The following TMEM132D variants were observed in gnomAD, a reference collection of about 807,000 sequenced individuals.
TMEM132D encodes mature OL transmembrane protein.
In TMEM132D, 21 loss-of-function variants were observed where a neutral mutation model predicts 62.3. The observed-to-expected ratio is 0.34, with a 90% confidence interval of 0.24 to 0.49. The LOEUF (loss-of-function observed/expected upper bound fraction) is 0.49. Among genes scored for constraint, TMEM132D ranks in the 20% least tolerant of loss-of-function variants. The pLI is 0.99. For synonymous variants in TMEM132D, 621 were observed against 575.6 expected (o/e 1.08, Z -1.13); for missense variants, 1,346 against 1,402.8 (o/e 0.96, Z 0.65).
At chr12:129,217,961 C>T (rs1015274724) in intron 4 of TMEM132D, among the ~76,000 whole-genome samples, 10 of 152,152 alleles carry the variant, frequency 6.6e-5, no homozygotes, top group Middle Eastern at 3.2e-3. Flanking sequence ...CACAATAACG[C>T]TCTCCCCTGG....
At chr12:129,102,566 G>A (rs1010108362) in intron 5 of TMEM132D, among the ~76,000 whole-genome samples, 3 of 152,000 alleles carry the variant, frequency 2.0e-5, no homozygotes, top group Non-Finnish European at 4.4e-5. Flanking sequence ...CACATGTATG[G>A]ATAAAAATAT....
chr12:129,463,070 CA>C (rs1474903951), intron 3 of TMEM132D, among the ~76,000 whole-genome samples: 1 of 152,150 alleles, frequency 6.6e-6, no homozygotes, highest in Admixed American at 6.5e-5. Flanking sequence ...TGAATCTAGA[CA>C]GCATCACTTG....
intron 2 of TMEM132D, among the ~76,000 whole-genome samples, chr12:129,688,846 A>T (rs931113663): frequency 6.6e-6 from 1 of 152,212 alleles, no homozygotes; most frequent in African/African-American, 2.4e-5. Flanking sequence ...TGTCACCTTA[A>T]ATCCAAATGC....
chr12:129,832,115 C>T (rs1449014326), intron 1 of TMEM132D, among the ~76,000 whole-genome samples: 11 of 143,606 alleles, frequency 7.7e-5, no homozygotes, highest in South Asian at 2.3e-4. Context: ...TCTCAATCTC[C>T]GGACCTCGTG....
chr12:129,533,379 A>T (rs1414435710), intron 2 of TMEM132D, among the ~76,000 whole-genome samples: 2 of 152,266 alleles, frequency 1.3e-5, no homozygotes, highest in African/African-American at 4.8e-5. Context: ...GGTAGCGAAC[A>T]AAAGTACAAT....
chr12:129,232,892 T>C (rs1359053467), intron 4 of TMEM132D, among the ~76,000 whole-genome samples: 2 of 151,842 alleles, frequency 1.3e-5, no homozygotes, highest in African/African-American at 4.8e-5. Context: ...TCAGATCTCA[T>C]GAGAACTCCC....
At position 129,394,077 on chromosome 12, in the gene TMEM132D, C is replaced by G. The variant is rs552846962; in HGVS notation, c.1116-56260G>C. ...AGGCAAAATTAGAAACGGAATTAAA[C>G]AGCTTCATTCTCAAAGTGGTTTTGT... On this transcript the variant is annotated intron_variant, in intron 3 of 8. Coordinates refer to ENST00000422113, the MANE Select transcript of TMEM132D (RefSeq NM_133448.3). Among the ~76,000 whole-genome samples the G allele has an allele frequency of 4.6e-5, 7 of 152,284 alleles. No homozygotes were observed. The South Asian group carries it at 1.5e-3, about 32-fold the overall frequency.
chr12:129,702,597 T>C lies in TMEM132D; in HGVS notation c.80-1899A>G, dbSNP rs1881408564. ...GATCCTTTCCTTGACTGTATGATTC[T>C]GGGTTATGGTCTCCATCTGGGTTTT... On this transcript the variant is annotated intron_variant, in intron 1 of 8. Transcript: ENST00000422113. Among the ~76,000 whole-genome samples, 4 of 152,338 alleles carry C rather than the reference T, an allele frequency of 2.6e-5. No homozygotes were observed. The South Asian group carries it at 8.3e-4, about 32-fold the overall frequency.
intron 4 of TMEM132D, among the ~76,000 whole-genome samples, chr12:129,290,366 G>A (rs543041368): frequency 1.1e-4 from 17 of 151,878 alleles, no homozygotes; most frequent in South Asian, 2.1e-4. Flanking sequence ...GTGCTAAGAC[G>A]CTGAGACTTC....
At chr12:129,329,803 T>C (rs1281913920) in intron 4 of TMEM132D, among the ~76,000 whole-genome samples, 3 of 152,126 alleles carry the variant, frequency 2.0e-5, no homozygotes, top group African/African-American at 4.8e-5. Flanking sequence ...ACTGGAAGGA[T>C]GTAACACAAA....
rs572994718 is a variant in TMEM132D at position 129,451,068 on chromosome 12, C to A, written c.1115+79991G>T. On this transcript the variant is annotated intron_variant, in intron 3 of 8. Transcript: ENST00000422113. ...TGAGCCACCGCGCCCGGCCAATTTT[C>A]ATCACTTCTTATGAGGCCTCCTTGG... 5.9e-5 allele frequency among the ~76,000 whole-genome samples: 9 copies of A among 152,232 alleles called. No homozygotes were observed. In the South Asian group the frequency reaches 1.7e-3, roughly 28 times the overall value.
chr12:129,162,292 G>T (rs145690875), intron 5 of TMEM132D, among the ~76,000 whole-genome samples: 1 of 152,282 alleles, frequency 6.6e-6, no homozygotes, highest in East Asian at 1.9e-4. Context: ...GAAGGCAGCC[G>T]TGCACAAGCC....
At position 129,498,259 on chromosome 12, in the gene TMEM132D, T is replaced by C. The variant is rs568251916; in HGVS notation, c.1115+32800A>G. On this transcript the variant is annotated intron_variant, in intron 3 of 8. Coordinates refer to ENST00000422113, the MANE Select transcript of TMEM132D (RefSeq NM_133448.3). ...GTATCTGTCCAAAATCTTTTATTTG[T>C]TTGTTTGTTTTTGAGATGGAGTCTC... Among the ~76,000 whole-genome samples, 459 of 152,070 alleles carry C rather than the reference T, an allele frequency of 3.0e-3. 1 individual carries two copies. The highest frequency in any genetic ancestry group is 0.017 in the Middle Eastern group (5 of 292).
At chr12:129,307,584 T>A (rs557532050) in intron 4 of TMEM132D, among the ~76,000 whole-genome samples, 4 of 152,314 alleles carry the variant, frequency 2.6e-5, no homozygotes, top group African/African-American at 9.6e-5. Flanking sequence ...ACACAGGTCC[T>A]CCATACAGCT....
intron 4 of TMEM132D, among the ~76,000 whole-genome samples, chr12:129,284,895 G>C (rs1881247911): frequency 6.6e-6 from 1 of 152,186 alleles, no homozygotes; most frequent in Non-Finnish European, 1.5e-5. Flanking sequence ...AAGGCAGATT[G>C]GTGGTGCCAG....
chr12:129,684,543 C>T (rs1178823492), intron 2 of TMEM132D, among the ~76,000 whole-genome samples: 1 of 142,290 alleles, frequency 7.0e-6, no homozygotes, highest in African/African-American at 2.7e-5. Flanking sequence ...TAAACTGGCA[C>T]CACAGAGAGT....
chr12:129,594,155 C>T (rs543224667), intron 2 of TMEM132D, among the ~76,000 whole-genome samples: 20 of 152,316 alleles, frequency 1.3e-4, no homozygotes, highest in South Asian at 1.2e-3. Context: ...GCCACAACCA[C>T]GGGGCGCTTC....
At chr12:129,386,628 C>T (rs1185621742) in intron 3 of TMEM132D, among the ~76,000 whole-genome samples, 2 of 151,784 alleles carry the variant, frequency 1.3e-5, no homozygotes, top group African/African-American at 4.8e-5. Flanking sequence ...CCAATGCTAA[C>T]AGTATCACTA....
At chr12:129,209,707 C>G in intron 4 of TMEM132D, 44 bp from the exon 5 acceptor site, 6 of 1,608,630 alleles carry the variant, frequency 3.7e-6, no homozygotes, top group Non-Finnish European at 4.2e-6. Flanking sequence ...CCTCCTGAGA[C>G]GGCCCAGTCC....
Sources: allele counts gnomAD v4.1 joint callset (sites outside exome capture counted in the v4.1 genomes callset), GRCh38; gene constraint gnomAD v4.1.1; transcripts MANE v1.5; gene names NCBI Gene and HGNC (gene_info 2026-07-23, HGNC 2026-07-21).